The following GPR39 variants were observed in gnomAD, a reference collection of about 807,000 sequenced individuals.
The protein encoded by GPR39 is G protein-coupled receptor 39, also known as zinc sensing receptor.
GPR39 carries 23 observed loss-of-function variants against 18.4 expected under a neutral mutation model. That is an observed-to-expected ratio of 1.25 (90% CI 0.90 to 1.77). The LOEUF is 1.77. Ranked by LOEUF, GPR39 falls within the 40% of genes most tolerant of loss-of-function variation. The pLI is 0.00. For synonymous variants in GPR39, 280 were observed against 257.9 expected (o/e 1.09, Z -0.82); for missense variants, 647 against 602.4 (o/e 1.07, Z -0.78).
chr2:132,595,085 G>A (rs914285240), intron 1 of GPR39, among the ~76,000 whole-genome samples: 1 of 152,102 alleles, frequency 6.6e-6, no homozygotes, highest in Non-Finnish European at 1.5e-5. Context: ...TGCAGCCTCC[G>A]CCGCACAGGC....
intron 1 of GPR39, among the ~76,000 whole-genome samples, chr2:132,641,678 G>A (rs1201892350): frequency 2.6e-5 from 4 of 152,052 alleles, no homozygotes; most frequent in South Asian, 2.1e-4. Context: ...GGAGTGTATC[G>A]GATTAAACAG....
intron 1 of GPR39, among the ~76,000 whole-genome samples, chr2:132,425,584 A>G (rs1402596783): frequency 6.6e-6 from 1 of 152,158 alleles, no homozygotes; most frequent in African/African-American, 2.4e-5. Flanking sequence ...CAGTTATTCA[A>G]TCAAACACTA....
At chr2:132,632,482 C>T (rs577581875) in intron 1 of GPR39, among the ~76,000 whole-genome samples, 56 of 152,224 alleles carry the variant, frequency 3.7e-4, no homozygotes, top group Non-Finnish European at 5.9e-4. Flanking sequence ...TTTGCATTTG[C>T]GACTCAGAAA....
At chr2:132,580,121 T>C (rs2104822112) in intron 1 of GPR39, among the ~76,000 whole-genome samples, 1 of 152,378 alleles carries the variant, frequency 6.6e-6, no homozygotes. Flanking sequence ...CTAGTTACAC[T>C]TGTTACCTGT....
chr2:132,586,397 G>A (rs958439901), intron 1 of GPR39, among the ~76,000 whole-genome samples: 2 of 152,178 alleles, frequency 1.3e-5, no homozygotes, highest in African/African-American at 2.4e-5. Flanking sequence ...GTTTGGAAAG[G>A]CAAGGCGTGC....
At chr2:132,569,076 T>C (rs1680398956) in intron 1 of GPR39, among the ~76,000 whole-genome samples, 1 of 152,150 alleles carries the variant, frequency 6.6e-6, no homozygotes, top group African/African-American at 2.4e-5. Flanking sequence ...GTTGTTGCTA[T>C]GGTTCCATTT....
At chr2:132,598,403 GCTT>G (rs1250858573) in intron 1 of GPR39, among the ~76,000 whole-genome samples, 1 of 135,500 alleles carries the variant, frequency 7.4e-6, no homozygotes, top group Non-Finnish European at 1.6e-5. Context: ...CATGTCCAAA[GCTT>G]CTGATTTGGC....
At chr2:132,449,392 A>G (rs1319710327) in intron 1 of GPR39, among the ~76,000 whole-genome samples, 4 of 152,114 alleles carry the variant, frequency 2.6e-5, no homozygotes, top group African/African-American at 9.7e-5. Flanking sequence ...GAGTACAGGC[A>G]TGCGCCACCA....
At chr2:132,498,973 A>T (rs1681700519) in intron 1 of GPR39, among the ~76,000 whole-genome samples, 1 of 151,896 alleles carries the variant, frequency 6.6e-6, no homozygotes, top group African/African-American at 2.4e-5. Flanking sequence ...CCTTTGTCGG[A>T]TGTATGGATT....
intron 1 of GPR39, among the ~76,000 whole-genome samples, chr2:132,517,756 G>A (rs1679358717): frequency 6.6e-6 from 1 of 152,174 alleles, no homozygotes; most frequent in South Asian, 2.1e-4. Context: ...GTAAAATTCA[G>A]GAATGGTTAC....
intron 1 of GPR39, chr2:132,488,465 T>G (rs907122776): frequency 1.3e-5 from 2 of 153,574 alleles, no homozygotes; most frequent in African/African-American, 4.8e-5. Context: ...TCCAATATCT[T>G]GCTCATTTCT....
chr2:132,616,663 G>A (rs1215628451), intron 1 of GPR39, among the ~76,000 whole-genome samples: 1 of 152,164 alleles, frequency 6.6e-6, no homozygotes, highest in Non-Finnish European at 1.5e-5. Flanking sequence ...TGCTGCTTCT[G>A]TATGTAGGTC....
chr2:132,444,528 T>C (rs1329205934), intron 1 of GPR39, among the ~76,000 whole-genome samples: 1 of 152,302 alleles, frequency 6.6e-6, no homozygotes, highest in Non-Finnish European at 1.5e-5. Context: ...CCTCAAGCAG[T>C]CTTCCTGCCT....
At chr2:132,475,572 G>A (rs568824801) in intron 1 of GPR39, among the ~76,000 whole-genome samples, 5 of 151,944 alleles carry the variant, frequency 3.3e-5, no homozygotes, top group Middle Eastern at 3.4e-3. Flanking sequence ...TTAACTACAC[G>A]AATACCCCCA....
intron 1 of GPR39, among the ~76,000 whole-genome samples, chr2:132,613,898 T>C (rs1681281435): frequency 6.6e-6 from 1 of 152,220 alleles, no homozygotes. Context: ...TACGTCTTAA[T>C]AGACAGTTAA....
intron 1 of GPR39, among the ~76,000 whole-genome samples, chr2:132,447,116 G>T (rs186903067): frequency 6.6e-6 from 1 of 152,260 alleles, no homozygotes; most frequent in East Asian, 1.9e-4. Context: ...CGGGCCTGTT[G>T]CAGTAACCGC....
chr2:132,599,278 C>T (rs964005128), intron 1 of GPR39, among the ~76,000 whole-genome samples: 1 of 152,222 alleles, frequency 6.6e-6, no homozygotes, highest in East Asian at 1.9e-4. Context: ...ATCTATTTGT[C>T]TTTCATATTT....
chr2:132,490,837 G>T lies in GPR39; in HGVS notation c.856+72939G>T, dbSNP rs768117599. Among the ~76,000 whole-genome samples the T allele has an allele frequency of 3.1e-4, 46 of 150,224 alleles. 1 individual carries two copies. The Middle Eastern group carries it at 0.014, about 45-fold the overall frequency. On this transcript the variant is annotated intron_variant, in intron 1 of 1. Transcript: ENST00000329321. Reference sequence around the variant, plus strand: ...CAGGCTAGACAGGAGGTACTGCTGTGCAGCAGCAAGAGCCTCTCTAACTCC... The same window carrying T: ...CAGGCTAGACAGGAGGTACTGCTGTTCAGCAGCAAGAGCCTCTCTAACTCC...
rs1450627733 is a variant in GPR39 at position 132,492,623 on chromosome 2, CAATATATATACACACCATCTATATAT to C, written c.856+74744_856+74769del. Reference sequence around the variant, plus strand: ...CATATATACACACCATCTATATATACAATATATATACACACCATCTATATATAATATATATACACACCATATATATA... The same window carrying C: ...CATATATACACACCATCTATATATACAATATATATACACACCATATATATA... On this transcript the variant is annotated intron_variant, in intron 1 of 1. Coordinates refer to ENST00000329321, the MANE Select transcript of GPR39 (RefSeq NM_001508.3). Among the ~76,000 whole-genome samples, 395 of 68,236 alleles carry C rather than the reference CAATATATATACACACCATCTATATAT, an allele frequency of 5.8e-3. 1 individual carries two copies. The highest frequency in any genetic ancestry group is 0.021 in the Middle Eastern group (1 of 48). The allele number at this position is 68,236 out of a possible 152,430, so 44.8% of individuals were successfully genotyped here.
Sources: allele counts gnomAD v4.1 joint callset (sites outside exome capture counted in the v4.1 genomes callset), GRCh38; gene constraint gnomAD v4.1.1; transcripts MANE v1.5; gene names NCBI Gene and HGNC (gene_info 2026-07-23, HGNC 2026-07-21).